Variants in AKAP19 observed in about 807,000 individuals in gnomAD.
AKAP19 encodes the protein small A-kinase anchoring protein.
At chr2:189,924,218 C>T in the AKAP19 span, 2 of 1,533,806 alleles carry the variant, frequency 1.3e-6, no homozygotes, top group South Asian at 1.1e-5. Flanking sequence ...GACTCTTAAG[C>T]ACATAGTGGG....
the AKAP19 span, among the ~76,000 whole-genome samples, chr2:190,143,121 A>C: frequency 1.3e-5 from 2 of 152,060 alleles, no homozygotes; most frequent in Non-Finnish European, 2.9e-5. Context: ...GGTAAAATCC[A>C]GTGCCATTTT....
At chr2:189,946,448 T>C in the AKAP19 span, among the ~76,000 whole-genome samples, 1 of 152,144 alleles carries the variant, frequency 6.6e-6, no homozygotes, top group Non-Finnish European at 1.5e-5. Flanking sequence ...TCTAGAAATT[T>C]TTTTCTTAAA....
At chr2:189,946,976 C>T in the AKAP19 span, among the ~76,000 whole-genome samples, 4 of 152,196 alleles carry the variant, frequency 2.6e-5, no homozygotes, top group African/African-American at 9.7e-5. Context: ...CAAATCTCAG[C>T]TTTGTCACTT....
chr2:189,913,356 T>A, the AKAP19 span, among the ~76,000 whole-genome samples: 1 of 152,142 alleles, frequency 6.6e-6, no homozygotes, highest in African/African-American at 2.4e-5. Context: ...GGTTTTGTAA[T>A]TATTTTTCAC....
At chr2:189,895,468 C>A in the AKAP19 span, among the ~76,000 whole-genome samples, 1 of 152,134 alleles carries the variant, frequency 6.6e-6, no homozygotes, top group Non-Finnish European at 1.5e-5. Context: ...TAGCGATAAT[C>A]AAACTAGTCT....
the AKAP19 span, among the ~76,000 whole-genome samples, chr2:190,121,505 A>T: frequency 6.6e-6 from 1 of 152,224 alleles, no homozygotes; most frequent in South Asian, 2.1e-4. Flanking sequence ...GAAACACCAC[A>T]TTTATGGGCA....
chr2:190,179,999 G>A, the AKAP19 span, among the ~76,000 whole-genome samples: 1 of 152,232 alleles, frequency 6.6e-6, no homozygotes, highest in African/African-American at 2.4e-5. The surrounding 1 kb of genome is among the most constrained non-coding windows in gnomAD (Gnocchi z 6.0). Context: ...TTTTGAGGCA[G>A]TGGTATTCAA....
the AKAP19 span, among the ~76,000 whole-genome samples, chr2:190,116,175 C>T: frequency 6.6e-6 from 1 of 152,178 alleles, no homozygotes; most frequent in African/African-American, 2.4e-5. Flanking sequence ...CATTAGCACT[C>T]TTAGTCCATT....
the AKAP19 span, among the ~76,000 whole-genome samples, chr2:190,005,204 G>T: frequency 4.0e-3 from 614 of 152,288 alleles, 8 homozygotes; most frequent in African/African-American, 0.014. Context: ...AATCAACAAA[G>T]CTTCCGCAGC....
the AKAP19 span, chr2:190,062,612 A>G: frequency 6.2e-7 from 1 of 1,608,158 alleles, no homozygotes; most frequent in South Asian, 1.1e-5. Flanking sequence ...TAAAATCAAT[A>G]TAATCTTTTT....
At chr2:190,181,347 T>C in the AKAP19 span, 1 of 167,642 alleles carries the variant, frequency 6.0e-6, no homozygotes, top group Non-Finnish European at 1.2e-5. Context: ...CAGTGAAAGG[T>C]ATCTCATTAT....
the AKAP19 span, among the ~76,000 whole-genome samples, chr2:189,919,634 A>G: frequency 3.5e-3 from 537 of 152,212 alleles, 3 homozygotes; most frequent in African/African-American, 0.013. Context: ...GAGTAAGAAC[A>G]TGGGGTGTTT....
chr2:189,965,378 T>A, the AKAP19 span, among the ~76,000 whole-genome samples: 1 of 151,890 alleles, frequency 6.6e-6, no homozygotes, highest in African/African-American at 2.4e-5. Context: ...TGATGTACAG[T>A]CAAAGTGAGC....
chr2:189,912,947 C>T, the AKAP19 span, among the ~76,000 whole-genome samples: 1 of 152,092 alleles, frequency 6.6e-6, no homozygotes. Flanking sequence ...GGACACTGTA[C>T]CGCAAAGCTG....
chr2:190,028,988 A>G, the AKAP19 span, among the ~76,000 whole-genome samples: 2 of 152,180 alleles, frequency 1.3e-5, no homozygotes, highest in African/African-American at 4.8e-5. Context: ...CCATAGTACC[A>G]TAGGTAGGAA....
At chr2:189,888,972 T>G in the AKAP19 span, among the ~76,000 whole-genome samples, 12 of 152,346 alleles carry the variant, frequency 7.9e-5, no homozygotes, top group East Asian at 1.9e-3. Context: ...CAATACTATG[T>G]TGAATAAGAG....
At chr2:190,027,721 G>A in the AKAP19 span, among the ~76,000 whole-genome samples, 1 of 152,176 alleles carries the variant, frequency 6.6e-6, no homozygotes, top group Admixed American at 6.6e-5. Context: ...ATGTGAAACT[G>A]ATATAAATGT....
the AKAP19 span, among the ~76,000 whole-genome samples, chr2:190,086,022 T>C: frequency 1.3e-5 from 2 of 152,226 alleles, no homozygotes; most frequent in African/African-American, 4.8e-5. Context: ...TTTCTAGGCA[T>C]AGGTTAGTAG....
At chr2:189,989,439 TA>T in the AKAP19 span, among the ~76,000 whole-genome samples, 10 of 150,680 alleles carry the variant, frequency 6.6e-5, no homozygotes, top group South Asian at 2.1e-4. Context: ...GATTAAAAAT[TA>T]AAAAAAAAGA....
Sources: gnomAD v4.1 joint callset for allele counts (sites outside exome capture counted in the v4.1 genomes callset) on GRCh38, gnomAD v4.1.1 for gene constraint, Gnocchi (gnomAD v3.1) non-coding constraint, MANE v1.5 for transcripts, NCBI Gene and HGNC (gene_info 2026-07-23, HGNC 2026-07-21) for gene names.